GRID2: variants seen among roughly 807,000 people sequenced by gnomAD.
The protein encoded by GRID2 is glutamate ionotropic receptor delta type subunit 2.
A neutral mutation model predicts 114.8 loss-of-function variants in GRID2; 33 were observed. That is an observed-to-expected ratio of 0.29 (90% CI 0.22 to 0.38). GRID2 has a LOEUF of 0.38. Among genes scored for constraint, GRID2 ranks in the 10% least tolerant of loss-of-function variants. The probability of loss-of-function intolerance (pLI) is 1.00; values close to 1 mark genes in which losing one functional copy is unlikely to be tolerated. For missense variants in GRID2, 1,184 were observed against 1,257.7 expected (o/e 0.94, Z 0.89); for synonymous variants, 505 against 449.9 (o/e 1.12, Z -1.55).
At chr4:93,181,520 C>G (rs1254715946) in intron 4 of GRID2, among the ~76,000 whole-genome samples, 1 of 152,174 alleles carries the variant, frequency 6.6e-6, no homozygotes, top group African/African-American at 2.4e-5. Context: ...CATTGACTTT[C>G]TGGTTATGAA....
chr4:92,842,858 A>T (rs530303506), intron 2 of GRID2, among the ~76,000 whole-genome samples: 51 of 152,252 alleles, frequency 3.3e-4, no homozygotes, highest in African/African-American at 1.1e-3. Context: ...GATATCAAAC[A>T]TCAGGTGTGG....
intron 2 of GRID2, among the ~76,000 whole-genome samples, chr4:92,954,737 G>A (rs1232477703): frequency 7.2e-6 from 1 of 139,610 alleles, no homozygotes; most frequent in Middle Eastern, 3.5e-3. Flanking sequence ...CTAGCATTAG[G>A]TATATCTCCC....
At chr4:92,993,658 C>T (rs1286732014) in intron 2 of GRID2, among the ~76,000 whole-genome samples, 2 of 152,148 alleles carry the variant, frequency 1.3e-5, no homozygotes, top group Non-Finnish European at 2.9e-5. Context: ...AAATGACTGA[C>T]CCATTGTTTC....
At chr4:93,514,039 T>C (rs1729454507) in intron 12 of GRID2, among the ~76,000 whole-genome samples, 1 of 152,174 alleles carries the variant, frequency 6.6e-6, no homozygotes, top group Admixed American at 6.6e-5. Flanking sequence ...AAGTACAGTA[T>C]AGTGTTTCAA....
chr4:92,473,177 C>A (rs994127777), intron 1 of GRID2, among the ~76,000 whole-genome samples: 2 of 152,074 alleles, frequency 1.3e-5, no homozygotes, highest in Non-Finnish European at 2.9e-5. Context: ...CCCCTTCACA[C>A]CTTTATCAAA....
chr4:92,431,727 G>A (rs1264614072), intron 1 of GRID2, among the ~76,000 whole-genome samples: 1 of 151,962 alleles, frequency 6.6e-6, no homozygotes, highest in Non-Finnish European at 1.5e-5. Flanking sequence ...CCCCCAGATT[G>A]GTTTCTGATG....
At chr4:93,782,736 A>G (rs563855280) in intron 1 of GRID2, among the ~76,000 whole-genome samples, 319 of 152,350 alleles carry the variant, frequency 2.1e-3, no homozygotes, top group Non-Finnish European at 3.6e-3. Flanking sequence ...AGAAAAAAAT[A>G]TCGTATATCA....
At chr4:93,178,526 GC>G (rs963530136) in intron 4 of GRID2, among the ~76,000 whole-genome samples, 8 of 149,824 alleles carry the variant, frequency 5.3e-5, no homozygotes, top group African/African-American at 2.0e-4. Flanking sequence ...CTCCTGACTA[GC>G]TGGAACTACA....
chr4:93,478,568 G>A (rs1166111538), intron 11 of GRID2, among the ~76,000 whole-genome samples: 2 of 150,922 alleles, frequency 1.3e-5, no homozygotes, highest in African/African-American at 4.8e-5. Flanking sequence ...GATTAAATAT[G>A]ATAAAATATT....
intron 13 of GRID2, among the ~76,000 whole-genome samples, chr4:93,577,291 A>G (rs772983272): frequency 6.6e-6 from 1 of 152,192 alleles, no homozygotes; most frequent in Non-Finnish European, 1.5e-5. Flanking sequence ...GGTGGGCATC[A>G]GGGAGTTGTC....
intron 14 of GRID2, among the ~76,000 whole-genome samples, chr4:93,651,772 T>A (rs1260193038): frequency 6.6e-6 from 1 of 152,166 alleles, no homozygotes; most frequent in East Asian, 1.9e-4. Flanking sequence ...ACTAGCAGTG[T>A]TTCATCCCAT....
chr4:92,497,566 GA>G (rs1301822825), intron 1 of GRID2, among the ~76,000 whole-genome samples: 1 of 151,832 alleles, frequency 6.6e-6, no homozygotes, highest in Non-Finnish European at 1.5e-5. Flanking sequence ...GCATTACTTA[GA>G]AAGGCTTTAC....
intron 9 of GRID2, among the ~76,000 whole-genome samples, chr4:93,418,526 A>C (rs1201456707): frequency 6.6e-6 from 1 of 152,086 alleles, no homozygotes; most frequent in Non-Finnish European, 1.5e-5. Flanking sequence ...TAAACATAAT[A>C]TTTCCAATAT....
At position 92,932,910 on chromosome 4, in the gene GRID2, G is replaced by C. The variant is rs184123476; in HGVS notation, c.245-152085G>C. 7.9e-5 allele frequency among the ~76,000 whole-genome samples: 12 copies of C among 151,330 alleles called. No individual in the cohort carries two copies. In the East Asian group the frequency reaches 1.9e-3, roughly 24 times the overall value. ...CTATTGTGATAATTGAAATTAGACT[G>C]TTGTTGCTTTTGGGTAGAAGTGGGA... On this transcript the variant is annotated intron_variant, in intron 2 of 15. Transcript: ENST00000282020.
intron 2 of GRID2, among the ~76,000 whole-genome samples, chr4:92,634,762 T>TC (rs776151552): frequency 6.7e-6 from 1 of 149,238 alleles, no homozygotes; most frequent in Non-Finnish European, 1.5e-5. Context: ...TTTTTTTTTT[T>TC]CAGACATTGC....
chr4:93,628,277 G>A (rs1282313456), intron 14 of GRID2, among the ~76,000 whole-genome samples: 2 of 152,020 alleles, frequency 1.3e-5, no homozygotes, highest in Non-Finnish European at 2.9e-5. Flanking sequence ...CATCTAGTTG[G>A]AGATATAAGA....
chr4:93,425,407 G>T (rs925033163), intron 10 of GRID2, among the ~76,000 whole-genome samples: 1 of 152,068 alleles, frequency 6.6e-6, no homozygotes, highest in Admixed American at 6.6e-5. Flanking sequence ...CTTGGTTTTC[G>T]TAGTCCACAT....
rs375005041 is a variant in GRID2, at chr4:93,663,811, T to C, written c.2360+37376T>C. Among the ~76,000 whole-genome samples the C allele has an allele frequency of 1.2e-3, 184 of 152,306 alleles. 3 individuals are homozygous for C. Among genetic ancestry groups the C allele is most frequent in the African/African-American group, 4.3e-3 (180 of 41,578 alleles). On this transcript the variant is annotated intron_variant, in intron 14 of 15. Transcript: ENST00000282020. Reference sequence around the variant, plus strand: ...GTGAATTCACATGAAAAACTTATCATATAAAAAGTAGTTACCCAGGGTATC... The same window carrying C: ...GTGAATTCACATGAAAAACTTATCACATAAAAAGTAGTTACCCAGGGTATC...
intron 2 of GRID2, among the ~76,000 whole-genome samples, chr4:92,669,012 CTT>C (rs1285053867): frequency 2.6e-5 from 4 of 151,868 alleles, no homozygotes; most frequent in Middle Eastern, 3.4e-3. Context: ...TCTTTCATGA[CTT>C]TGTTTCTTCA....
Sources: allele counts gnomAD v4.1 joint callset (sites outside exome capture counted in the v4.1 genomes callset), GRCh38; gene constraint gnomAD v4.1.1; transcripts MANE v1.5; gene names NCBI Gene and HGNC (gene_info 2026-07-23, HGNC 2026-07-21).